The following SPEN variants were observed in gnomAD, a reference collection of about 807,000 sequenced individuals.
SPEN encodes the protein spen family transcriptional repressor.
Under a neutral mutation model 269.9 loss-of-function variants are expected in SPEN, and 18 were observed. The ratio of observed to expected loss-of-function variants is 0.07; its 90% CI spans 0.05 to 0.10. The LOEUF (loss-of-function observed/expected upper bound fraction) is 0.10, where lower values mean the gene tolerates loss of function less well. Among genes scored for constraint, SPEN ranks in the 10% least tolerant of loss-of-function variants. SPEN has a pLI of 1.00. For synonymous variants in SPEN, 1,726 were observed against 1,765.7 expected (o/e 0.98, Z 0.56); for missense variants, 3,822 against 4,631.2 (o/e 0.83, Z 5.07).
rs1285412482 is a variant in SPEN, at chr1:15,931,041, G to A, written c.4801G>A (p.Asp1601Asn). ...TRMQQKEKEK[D>N]QKPKEVEKQE... Reference sequence around the variant, plus strand: ...GATGCAACAGAAAGAAAAAGAAAAAGACCAGAAACCCAAAGAGGTTGAGAA... The same window carrying A: ...GATGCAACAGAAAGAAAAAGAAAAAAACCAGAAACCCAAAGAGGTTGAGAA... The change falls in exon 11 of 15, where the codon GAC (aspartate) becomes AAC (asparagine). Residue 1601 changes from aspartate to asparagine, a missense_variant. By Grantham distance (23) the Asp-to-Asn change is conservative. This residue lies in a region of SPEN where 533 missense variants were observed against 618.8 expected (regional missense o/e 0.86). Transcript: ENST00000375759. The surrounding 1 kb of genome is among the most constrained non-coding windows in gnomAD (Gnocchi z 4.8). The A allele has an allele frequency of 1.2e-6, 2 of 1,613,384 alleles. No individual in the cohort carries two copies. Among genetic ancestry groups the A allele is most frequent in the East Asian group, 4.5e-5 (2 of 44,890 alleles).
At chr1:15,908,111 C>T (rs573064188) in intron 3 of SPEN, among the ~76,000 whole-genome samples, 53 of 152,220 alleles carry the variant, frequency 3.5e-4, no homozygotes, top group African/African-American at 1.2e-3. Flanking sequence ...AAAAATTGCA[C>T]CTACCTGGAA....
At chr1:15,924,636 T>C (rs147970196) in intron 10 of SPEN, among the ~76,000 whole-genome samples, 25 of 152,172 alleles carry the variant, frequency 1.6e-4, no homozygotes, top group Non-Finnish European at 3.1e-4. Flanking sequence ...AATTTTGCAT[T>C]TTTAGTGGAG....
At chr1:15,908,188 A>ACT (rs2070978388) in intron 3 of SPEN, among the ~76,000 whole-genome samples, 1 of 152,130 alleles carries the variant, frequency 6.6e-6, no homozygotes, top group African/African-American at 2.4e-5. Flanking sequence ...TACTACTACT[A>ACT]ACAGTAACTG....
intron 1 of SPEN, among the ~76,000 whole-genome samples, chr1:15,863,559 G>A (rs1169783230): frequency 6.6e-6 from 1 of 152,130 alleles, no homozygotes; most frequent in Non-Finnish European, 1.5e-5. Context: ...AAAGTAATCT[G>A]GCTGGGTGCA....
intron 8 of SPEN, among the ~76,000 whole-genome samples, chr1:15,920,122 T>C (rs1052024963): frequency 6.6e-6 from 1 of 151,900 alleles, no homozygotes; most frequent in African/African-American, 2.4e-5. Context: ...CAGGCTGGAG[T>C]GCAGCGGCGG....
At chr1:15,927,961 A>G in intron 10 of SPEN, 130 bp from the exon 11 acceptor site, 1 of 865,186 alleles carries the variant, frequency 1.2e-6, no homozygotes, top group South Asian at 1.9e-5. Flanking sequence ...CTACAAACTA[A>G]TCATTTCACA....
intron 6 of SPEN, among the ~76,000 whole-genome samples, chr1:15,918,419 G>A (rs1331353811): frequency 1.3e-5 from 2 of 152,094 alleles, no homozygotes; most frequent in African/African-American, 2.4e-5. Flanking sequence ...GGTTTTCACC[G>A]TGTTGGCCAG....
rs762065703 is a variant in SPEN, at chr1:15,935,444, C to T, written c.9204C>T (p.Ile3068=). The T allele has an allele frequency of 2.5e-6, 4 of 1,614,198 alleles. No individual in the cohort carries two copies. The highest frequency in any genetic ancestry group is 1.7e-6 in the Non-Finnish European group (2 of 1,180,032). Residue 3068 remains isoleucine, a synonymous_variant, in exon 11 of 15, where the codon ATC becomes ATT. Transcript: ENST00000375759. This position sits in a 1 kb window ranked among gnomAD's most constrained non-coding sequence, Gnocchi z 7.7. ...CAGGCATCCCAGTGCCCCAGTTCAT[C>T]TCCAGCATCCACCCAGAGCAGTCTG... ...LAAGIPVPQF[I]SSIHPEQSVI...
Position 15,928,103 on chromosome 1 carries a change from G to A in SPEN, c.1863G>A (p.Arg621=). The A allele has an allele frequency of 6.3e-7, 1 of 1,594,126 alleles. No homozygotes were observed. The highest frequency in any genetic ancestry group is 1.3e-5 in the African/African-American group (1 of 74,376). The stretch of plus-strand genomic sequence containing the variant: ...TATTTTTTGGCAGAGAGGAACGAAG[G>A]GCATCCTACGACTATAACCAAGATC... The part of the protein sequence containing the change: ...EMLAERREER[R]ASYDYNQDRT... Residue 621 remains arginine (R), a synonymous_variant, in exon 11 of 15, where the codon AGG becomes AGA. Transcript: ENST00000375759. This position sits in a 1 kb window ranked among gnomAD's most constrained non-coding sequence, Gnocchi z 5.7.
At chr1:15,890,009 C>T (rs1463819954) in intron 3 of SPEN, among the ~76,000 whole-genome samples, 1 of 152,148 alleles carries the variant, frequency 6.6e-6, no homozygotes, top group East Asian at 1.9e-4. Flanking sequence ...GCCACCGCAC[C>T]CGGCCTATAG....
Position 15,937,788 on chromosome 1 carries a change from TC to T in SPEN, c.10510-22del. 6.2e-7 allele frequency: 1 copy of T among 1,613,184 alleles called. No homozygotes were observed. Among genetic ancestry groups the T allele is most frequent in the Non-Finnish European group, 8.5e-7 (1 of 1,179,636 alleles). Reference sequence around the variant, plus strand: ...CTCAGCGAGGGGCCATGAGCTCACTTCCTGTTTGTTTCCCTGTGAGCAGAAG... The same window carrying T: ...CTCAGCGAGGGGCCATGAGCTCACTTCTGTTTGTTTCCCTGTGAGCAGAAG... On this transcript the variant is annotated intron_variant, in intron 12 of 14. Transcript: ENST00000375759. The surrounding 1 kb of genome is among the most constrained non-coding windows in gnomAD (Gnocchi z 5.7).
intron 2 of SPEN, chr1:15,873,376 A>G (rs2148710881): frequency 8.2e-7 from 1 of 1,214,924 alleles, no homozygotes; most frequent in Non-Finnish European, 1.0e-6. Flanking sequence ...AAGATTTCCT[A>G]TGGAAGCTTC....
chr1:15,873,756 A>G (rs1456531284), intron 2 of SPEN: 2 of 1,015,396 alleles, frequency 2.0e-6, no homozygotes, highest in East Asian at 1.8e-4. Context: ...TGTTGGAATT[A>G]CACTCTTTGA....
chr1:15,889,796 C>A (rs1462227497), intron 3 of SPEN, among the ~76,000 whole-genome samples: 3 of 152,132 alleles, frequency 2.0e-5, no homozygotes, highest in African/African-American at 7.2e-5. Flanking sequence ...TCACTACAAT[C>A]TCCATCTCCC....
chr1:15,919,188 T>A, intron 7 of SPEN, 137 bp downstream of exon 7: 1 of 798,226 alleles, frequency 1.3e-6, no homozygotes, highest in Non-Finnish European at 1.9e-6. Flanking sequence ...TATACTTCTT[T>A]GCATTCCTAT....
intron 3 of SPEN, among the ~76,000 whole-genome samples, chr1:15,885,150 C>G (rs1172737626): frequency 1.3e-5 from 2 of 152,052 alleles, no homozygotes; most frequent in African/African-American, 4.8e-5. Flanking sequence ...AATGAATAGG[C>G]AAATAATTTC....
chr1:15,898,938 G>A (rs988309486), intron 3 of SPEN, among the ~76,000 whole-genome samples: 1 of 152,016 alleles, frequency 6.6e-6, no homozygotes, highest in Non-Finnish European at 1.5e-5. Context: ...TCACTCATCT[G>A]TCGATAGACA....
At chr1:15,923,709 G>A (rs1333009851) in intron 10 of SPEN, among the ~76,000 whole-genome samples, 1 of 151,168 alleles carries the variant, frequency 6.6e-6, no homozygotes, top group African/African-American at 2.4e-5. Flanking sequence ...TTGCTCTGTG[G>A]TCTAGGCTAG....
intron 1 of SPEN, among the ~76,000 whole-genome samples, chr1:15,860,492 G>A (rs1392005589): frequency 2.8e-5 from 4 of 142,672 alleles, no homozygotes; most frequent in Admixed American, 1.4e-4. Context: ...AGGTCCCACT[G>A]TATTGCCCAG....
Sources: gnomAD v4.1 joint callset for allele counts (sites outside exome capture counted in the v4.1 genomes callset) on GRCh38, gnomAD v4.1.1 for gene constraint, gnomAD v4.1.1 regional missense constraint, Gnocchi (gnomAD v3.1) non-coding constraint, MANE v1.5 for transcripts, NCBI Gene and HGNC (gene_info 2026-07-23, HGNC 2026-07-21) for gene names.